GRIA2: variants seen among roughly 807,000 people sequenced by gnomAD.
GRIA2 encodes glutamate receptor 2.
In GRIA2, 14 loss-of-function variants were observed where a neutral mutation model predicts 97.3. The observed-to-expected ratio is 0.14, with a 90% CI of 0.10 to 0.23. The LOEUF (loss-of-function observed/expected upper bound fraction) is 0.23, where lower values mean the gene tolerates loss of function less well. GRIA2 is among the 10% of genes least tolerant of loss of function. The pLI is 1.00. For missense variants in GRIA2, 558 were observed against 1,069.8 expected (o/e 0.52, Z 6.67); for synonymous variants, 412 against 387.8 (o/e 1.06, Z -0.73).
intron 11 of GRIA2, among the ~76,000 whole-genome samples, chr4:157,338,729 T>C (rs1560773531): frequency 2.0e-5 from 3 of 152,120 alleles, no homozygotes; most frequent in Non-Finnish European, 2.9e-5. Context: ...ATGTATTTGA[T>C]ACAAATTTAT....
At chr4:157,283,461 T>C (rs1213755153) in intron 2 of GRIA2, among the ~76,000 whole-genome samples, 1 of 152,018 alleles carries the variant, frequency 6.6e-6, no homozygotes, top group African/African-American at 2.4e-5. Context: ...AAATTACTTA[T>C]AATGTAGGAA....
intron 2 of GRIA2, among the ~76,000 whole-genome samples, chr4:157,226,163 C>A (rs984993313): frequency 6.6e-6 from 1 of 151,740 alleles, no homozygotes; most frequent in Non-Finnish European, 1.5e-5. Context: ...CAATTCCATA[C>A]AACAAAATAA....
chr4:157,248,691 A>G (rs967541389), intron 2 of GRIA2, among the ~76,000 whole-genome samples: 3 of 141,822 alleles, frequency 2.1e-5, no homozygotes, highest in African/African-American at 7.8e-5. Context: ...ATACACGTGT[A>G]TATATACACA....
intron 2 of GRIA2, among the ~76,000 whole-genome samples, chr4:157,227,496 A>G (rs1221522186): frequency 1.3e-5 from 2 of 152,214 alleles, no homozygotes; most frequent in Non-Finnish European, 2.9e-5. Context: ...AAAAGTCAAT[A>G]GAAGTACTTA....
chr4:157,325,068 A>G (rs1341280268), intron 6 of GRIA2, among the ~76,000 whole-genome samples: 3 of 152,226 alleles, frequency 2.0e-5, no homozygotes, highest in Non-Finnish European at 4.4e-5. Context: ...AGTTCAATAC[A>G]CCAAATTCTT....
intron 12 of GRIA2, among the ~76,000 whole-genome samples, chr4:157,358,945 C>T (rs1193375320): frequency 2.6e-5 from 4 of 152,006 alleles, no homozygotes; most frequent in South Asian, 2.1e-4. Flanking sequence ...AGTAAGTCTT[C>T]GATTTCAATT....
At chr4:157,353,472 C>T (rs1248622008) in intron 12 of GRIA2, among the ~76,000 whole-genome samples, 2 of 151,824 alleles carry the variant, frequency 1.3e-5, no homozygotes, top group Non-Finnish European at 2.9e-5. Flanking sequence ...AGATTGAGAC[C>T]ATCCTGGCTA....
intron 12 of GRIA2, among the ~76,000 whole-genome samples, chr4:157,359,330 G>T (rs939825596): frequency 6.6e-6 from 1 of 152,096 alleles, no homozygotes; most frequent in Admixed American, 6.6e-5. Context: ...TTAATTAAAA[G>T]AAAACTTCAA....
chr4:157,276,412 A>G (rs1253196462), intron 2 of GRIA2, among the ~76,000 whole-genome samples: 1 of 152,086 alleles, frequency 6.6e-6, no homozygotes, highest in Admixed American at 6.6e-5. Context: ...AACATTGAAT[A>G]CACATGTTAG....
chr4:157,344,274 A>T (rs1359108299), intron 12 of GRIA2, among the ~76,000 whole-genome samples: 1 of 152,092 alleles, frequency 6.6e-6, no homozygotes. Flanking sequence ...AAAATGTGGC[A>T]AGGGAAATTC....
At chr4:157,226,905 A>G (rs1318512826) in intron 2 of GRIA2, among the ~76,000 whole-genome samples, 1 of 152,142 alleles carries the variant, frequency 6.6e-6, no homozygotes, top group Admixed American at 6.5e-5. Context: ...GTTATATTCA[A>G]TTGCAGATTT....
intron 2 of GRIA2, among the ~76,000 whole-genome samples, chr4:157,278,138 G>T (rs1339497356): frequency 1.3e-5 from 2 of 151,514 alleles, no homozygotes; most frequent in African/African-American, 4.8e-5. Flanking sequence ...TATGTGGAGA[G>T]AAAAGAATAC....
rs751482292 is a variant in GRIA2, at chr4:157,221,687, G to A, written c.109G>A (p.Ala37Thr). The change falls in exon 2 of 16, where the codon GCC (alanine) becomes ACC (threonine). Residue 37 changes from alanine to threonine, a missense_variant. By Grantham distance (58) the Ala-to-Thr change is moderately conservative. Transcript: ENST00000264426. ...TGCAGGGGGGCTATTTCCTAGGGGCGCCGATCAAGAATACAGTGCATTTCG... is the reference window on the plus strand; with the variant it reads ...TGCAGGGGGGCTATTTCCTAGGGGCACCGATCAAGAATACAGTGCATTTCG... ...IQIGGLFPRG[A>T]DQEYSAFRVG... The A allele has an allele frequency of 6.2e-7, 1 of 1,614,014 alleles. No individual in the cohort carries two copies. The highest frequency in any genetic ancestry group is 1.1e-5 in the South Asian group (1 of 91,078).
chr4:157,249,614 T>C (rs190587920), intron 2 of GRIA2: 1 of 152,140 alleles, frequency 6.6e-6, no homozygotes, highest in African/African-American at 2.4e-5. Flanking sequence ...GCAAAGTGCC[T>C]GGGATACAGA....
chr4:157,308,479 T>G (rs78763846), intron 3 of GRIA2, among the ~76,000 whole-genome samples: 4,398 of 137,032 alleles, frequency 0.032, 122 homozygotes, highest in Middle Eastern at 0.14. Context: ...TTAAATATAT[T>G]TACCAGGAGG....
At position 157,336,587 on chromosome 4, in the gene GRIA2, T is replaced by C. The variant is rs1375779771; in HGVS notation, c.1684T>C (p.Phe562Leu). Residue 562 changes from phenylalanine (F) to leucine (L), a missense_variant, in exon 11 of 16, where the codon TTC (phenylalanine) becomes CTC (leucine). Physicochemically the swap from Phe to Leu is conservative, Grantham distance 22. Around this residue, in one of 8 missense-constraint regions of GRIA2, gnomAD observed 125 missense variants for 310.2 expected, o/e 0.40. Transcript: ENST00000264426. The part of the protein sequence containing the change: ...FAYIGVSVVL[F>L]LVSRFSPYEW... ...CTACATTGGGGTCAGTGTAGTTTTA[T>C]TCCTGGTCAGCAGATTTAGCCCCTA... 6.2e-7 allele frequency: 1 copy of C among 1,613,486 alleles called. No individual in the cohort carries two copies. Among genetic ancestry groups the C allele is most frequent in the Admixed American group, 1.7e-5 (1 of 59,940 alleles).
chr4:157,241,853 C>G (rs568856650), intron 2 of GRIA2, among the ~76,000 whole-genome samples: 5 of 152,018 alleles, frequency 3.3e-5, no homozygotes, highest in African/African-American at 1.2e-4. Context: ...TTGATGAAAA[C>G]GATACAAAAA....
At chr4:157,229,221 T>C (rs1314227885) in intron 2 of GRIA2, among the ~76,000 whole-genome samples, 3 of 152,236 alleles carry the variant, frequency 2.0e-5, no homozygotes, top group Non-Finnish European at 4.4e-5. Context: ...TTATTTTTTC[T>C]TTTTAGGGCC....
intron 2 of GRIA2, among the ~76,000 whole-genome samples, chr4:157,253,415 C>T (rs1419087905): frequency 6.6e-6 from 1 of 152,122 alleles, no homozygotes; most frequent in East Asian, 1.9e-4. Flanking sequence ...CTATGCCTGG[C>T]CCCTTTTTGT....
Sources: gnomAD v4.1 joint callset for allele counts (sites outside exome capture counted in the v4.1 genomes callset) on GRCh38, gnomAD v4.1.1 for gene constraint, gnomAD v4.1.1 regional missense constraint, MANE v1.5 for transcripts, NCBI Gene and HGNC (gene_info 2026-07-23, HGNC 2026-07-21) for gene names.